The following LSAMP variants were observed in gnomAD, a reference collection of about 807,000 sequenced individuals.
LSAMP encodes the protein limbic system-associated membrane protein.
In LSAMP, 7 loss-of-function variants were observed where a neutral mutation model predicts 38.6. The observed-to-expected ratio is 0.18, with a 90% confidence interval of 0.10 to 0.34. The LOEUF is 0.34. Ranked by LOEUF, LSAMP falls within the 10% of genes least tolerant of loss-of-function variation. The pLI, the probability that LSAMP is intolerant of heterozygous loss-of-function variation, is 1.00. For missense variants in LSAMP, 313 were observed against 420.0 expected, an observed-to-expected ratio of 0.75 and a Z score of 2.23; for synonymous variants, 154 against 166.8, an observed-to-expected ratio of 0.92 and a Z score of 0.59.
chr3:115,891,805 C>A (rs1936607015), intron 3 of LSAMP, among the ~76,000 whole-genome samples: 1 of 151,936 alleles, frequency 6.6e-6, no homozygotes. Flanking sequence ...TTCCATCACA[C>A]TTCTCCTGGT....
chr3:116,359,813 T>C (rs1009649835), intron 1 of LSAMP, among the ~76,000 whole-genome samples: 17 of 152,204 alleles, frequency 1.1e-4, no homozygotes, highest in Non-Finnish European at 2.2e-4. Context: ...CCTTATACCA[T>C]ATTCAAAAAT....
At chr3:115,871,807 C>G (rs1273873094) in intron 3 of LSAMP, among the ~76,000 whole-genome samples, 1 of 152,066 alleles carries the variant, frequency 6.6e-6, no homozygotes, top group Non-Finnish European at 1.5e-5. Flanking sequence ...GGAATACCAT[C>G]TGAGTTATAC....
rs1161460100 is a variant in LSAMP at position 116,074,844 on chromosome 3, C to CTTTTTTTTT, written c.388+11471_388+11479dup. Among the ~76,000 whole-genome samples, 215 of 128,328 alleles carry CTTTTTTTTT rather than the reference C, an allele frequency of 1.7e-3. 3 individuals carry two copies. Among genetic ancestry groups the CTTTTTTTTT allele is most frequent in the African/African-American group, 6.3e-3 (204 of 32,322 alleles). The allele number at this position is 128,328 out of a possible 152,430, so 84.2% of individuals were successfully genotyped here. Reference sequence around the variant, plus strand: ...AAAGTTTAGTCATATTTTCTTTATTCTTTTTTTTTTTTTTTTTGAGATGAG... The same window carrying CTTTTTTTTT: ...AAAGTTTAGTCATATTTTCTTTATTCTTTTTTTTTTTTTTTTTTTTTTTTTTGAGATGAG... On this transcript the variant is annotated intron_variant, in intron 2 of 6. Transcript: ENST00000490035.
At chr3:116,116,214 C>T (rs1233818450) in intron 1 of LSAMP, among the ~76,000 whole-genome samples, 31 of 150,020 alleles carry the variant, frequency 2.1e-4, no homozygotes, top group Admixed American at 2.1e-3. Context: ...TTTGTAATTT[C>T]CAGCATCTCT....
chr3:116,043,987 T>G (rs1395643278), intron 2 of LSAMP, among the ~76,000 whole-genome samples: 2 of 152,174 alleles, frequency 1.3e-5, no homozygotes, highest in South Asian at 4.1e-4. Flanking sequence ...ATTCTTAATG[T>G]CTTTCCACTT....
chr3:115,992,763 A>G (rs1939708218), intron 3 of LSAMP, among the ~76,000 whole-genome samples: 1 of 152,122 alleles, frequency 6.6e-6, no homozygotes, highest in South Asian at 2.1e-4. Flanking sequence ...ATTTATGACA[A>G]CAATACCATC....
At chr3:115,854,511 T>A (rs996297772) in intron 3 of LSAMP, among the ~76,000 whole-genome samples, 1 of 152,102 alleles carries the variant, frequency 6.6e-6, no homozygotes, top group Non-Finnish European at 1.5e-5. Context: ...CTCGATCTCC[T>A]AAATATTATT....
intron 1 of LSAMP, among the ~76,000 whole-genome samples, chr3:116,400,872 T>A (rs181129686): frequency 6.6e-6 from 1 of 152,206 alleles, no homozygotes; most frequent in African/African-American, 2.4e-5. Flanking sequence ...TTGGTTGTAC[T>A]GCTATTTATC....
chr3:116,074,615 T>C (rs573624071), intron 2 of LSAMP, among the ~76,000 whole-genome samples: 2 of 152,140 alleles, frequency 1.3e-5, no homozygotes, highest in Non-Finnish European at 1.5e-5. Flanking sequence ...AACAGGGAGA[T>C]ATAAAAGTGT....
At chr3:115,837,099 A>G (rs1489754091) in intron 6 of LSAMP, among the ~76,000 whole-genome samples, 2 of 152,234 alleles carry the variant, frequency 1.3e-5, no homozygotes, top group East Asian at 3.9e-4. Flanking sequence ...TTAAACAGCA[A>G]GCCTTTCCGA....
chr3:115,840,616 C>T (rs1018201447), intron 6 of LSAMP, among the ~76,000 whole-genome samples: 2 of 152,096 alleles, frequency 1.3e-5, no homozygotes, highest in Non-Finnish European at 2.9e-5. Context: ...AACTAAAGGC[C>T]GAAGTTAGAG....
At chr3:115,849,468 A>C (rs775287922) in intron 4 of LSAMP, among the ~76,000 whole-genome samples, 3 of 136,286 alleles carry the variant, frequency 2.2e-5, no homozygotes, top group Non-Finnish European at 4.7e-5. Context: ...GAAAGTTAAT[A>C]GCCCTGAGAT....
At chr3:115,839,721 A>G (rs984890226) in intron 6 of LSAMP, among the ~76,000 whole-genome samples, 10 of 152,190 alleles carry the variant, frequency 6.6e-5, no homozygotes, top group Non-Finnish European at 8.8e-5. Context: ...CAAAGACACA[A>G]CTATGGTAGT....
intron 3 of LSAMP, among the ~76,000 whole-genome samples, chr3:115,916,084 T>C (rs1348280814): frequency 6.6e-6 from 1 of 151,956 alleles, no homozygotes; most frequent in Non-Finnish European, 1.5e-5. Context: ...ACATCTGAAA[T>C]GTGGAATATT....
At chr3:116,028,172 T>C (rs1940837249) in intron 2 of LSAMP, among the ~76,000 whole-genome samples, 1 of 152,188 alleles carries the variant, frequency 6.6e-6, no homozygotes, top group African/African-American at 2.4e-5. Context: ...TTAATAAGCA[T>C]ACTCCCAGGA....
chr3:116,011,676 T>A (rs1940329780), intron 3 of LSAMP, among the ~76,000 whole-genome samples: 1 of 152,144 alleles, frequency 6.6e-6, no homozygotes, highest in Admixed American at 6.5e-5. Context: ...TGAACTACAT[T>A]GTGACAATGA....
At chr3:115,975,620 C>T (rs1279459564) in intron 3 of LSAMP, among the ~76,000 whole-genome samples, 1 of 152,166 alleles carries the variant, frequency 6.6e-6, no homozygotes, top group Non-Finnish European at 1.5e-5. Flanking sequence ...ACACTTCACT[C>T]TCCTGACTCC....
At chr3:116,048,798 G>A (rs77346811) in intron 2 of LSAMP, among the ~76,000 whole-genome samples, 3,380 of 152,280 alleles carry the variant, frequency 0.022, 105 homozygotes, top group African/African-American at 0.074. Flanking sequence ...CAGAGCTAGA[G>A]GTGTAGACCA....
intron 3 of LSAMP, among the ~76,000 whole-genome samples, chr3:116,010,291 T>C (rs944476257): frequency 6.6e-6 from 1 of 152,234 alleles, no homozygotes; most frequent in Non-Finnish European, 1.5e-5. Flanking sequence ...ACTGTAAAAC[T>C]ATAGTTTATG....
Sources: gnomAD v4.1 joint callset for allele counts (sites outside exome capture counted in the v4.1 genomes callset) on GRCh38, gnomAD v4.1.1 for gene constraint, MANE v1.5 for transcripts, NCBI Gene and HGNC (gene_info 2026-07-23, HGNC 2026-07-21) for gene names.